Variants in HDAC4 observed in about 807,000 individuals in gnomAD.
HDAC4 encodes the protein histone deacetylase 4, also known as histone deacetylase A.
Under a neutral mutation model 135.1 loss-of-function variants are expected in HDAC4, and 16 were observed. The observed-to-expected ratio is 0.12, with a 90% CI of 0.08 to 0.18. The LOEUF is 0.18. HDAC4 is among the 10% of genes least tolerant of loss of function. The pLI is 1.00. For missense variants in HDAC4, 1,143 were observed against 1,511.8 expected, an observed-to-expected ratio of 0.76 and a Z score of 4.05; for synonymous variants, 685 against 653.4, an observed-to-expected ratio of 1.05 and a Z score of -0.74.
At chr2:239,386,772 T>C (rs986179474) in intron 1 of HDAC4, among the ~76,000 whole-genome samples, 6 of 152,202 alleles carry the variant, frequency 3.9e-5, no homozygotes, top group Admixed American at 2.6e-4. Flanking sequence ...AGGCTGGCCC[T>C]TGTCCAGAGA....
intron 3 of HDAC4, among the ~76,000 whole-genome samples, chr2:239,196,884 C>G (rs2045421601): frequency 6.6e-6 from 1 of 152,200 alleles, no homozygotes. Flanking sequence ...AGTGTTGCAT[C>G]CTCAGGTTTA....
chr2:239,063,081 G>A (rs1318957387), intron 24 of HDAC4, among the ~76,000 whole-genome samples: 1 of 152,178 alleles, frequency 6.6e-6, no homozygotes, highest in African/African-American at 2.4e-5. Flanking sequence ...GCACACATGG[G>A]GTCTCGCATA....
intron 2 of HDAC4, among the ~76,000 whole-genome samples, chr2:239,280,396 G>A (rs2050635586): frequency 1.3e-5 from 2 of 152,152 alleles, no homozygotes; most frequent in South Asian, 4.1e-4. Flanking sequence ...AGCTGTTTCT[G>A]GGAAGCCAGC....
At chr2:239,336,851 TAC>T (rs1318006777) in intron 2 of HDAC4, among the ~76,000 whole-genome samples, 1 of 152,256 alleles carries the variant, frequency 6.6e-6, no homozygotes, top group Non-Finnish European at 1.5e-5. Flanking sequence ...TAATGTCTTT[TAC>T]TGTATTCCAA....
intron 12 of HDAC4, among the ~76,000 whole-genome samples, chr2:239,124,769 CTGGTGTG>C (rs1559475597): frequency 2.4e-3 from 277 of 117,248 alleles, no homozygotes; most frequent in South Asian, 3.6e-3. Flanking sequence ...ATGTGACATT[CTGGTGTG>C]CTGGCGTGTG....
intron 2 of HDAC4, among the ~76,000 whole-genome samples, chr2:239,282,904 C>G (rs2050894269): frequency 6.6e-6 from 1 of 151,892 alleles, no homozygotes; most frequent in Non-Finnish European, 1.5e-5. Context: ...AATGAACACA[C>G]CACTCTACAC....
intron 13 of HDAC4, among the ~76,000 whole-genome samples, chr2:239,112,938 A>G (rs1246258101): frequency 2.6e-5 from 4 of 152,196 alleles, no homozygotes; most frequent in African/African-American, 4.8e-5. Flanking sequence ...TGCCTTTAGG[A>G]ATCAGGCTGG....
intron 20 of HDAC4, among the ~76,000 whole-genome samples, chr2:239,083,259 T>C (rs958292570): frequency 1.3e-5 from 2 of 152,210 alleles, no homozygotes; most frequent in Non-Finnish European, 2.9e-5. Flanking sequence ...TCCCCAGTCT[T>C]TAGCCATCAG....
rs1691889069 is a variant in HDAC4, at chr2:239,335,601, GC to G, written c.22+17076del. Among the ~76,000 whole-genome samples, 5 of 149,232 alleles carry G rather than the reference GC, an allele frequency of 3.4e-5. No individual in the cohort carries two copies. The South Asian group carries it at 1.1e-3, about 31-fold the overall frequency. ...ACAAACAACAAAAAGCTCATTCATA[GC>G]CAGTGTACAGAAATAGCTCCTACAA... On this transcript the variant is annotated intron_variant, in intron 2 of 26. Coordinates refer to ENST00000543185, the MANE Select transcript of HDAC4 (RefSeq NM_001378414.1).
At position 239,111,554 on chromosome 2, in the gene HDAC4, C is replaced by A; in HGVS notation, c.1950G>T (p.Glu650Asp). The change falls in exon 14 of 27, where the codon GAG becomes GAT. Residue 650 changes from glutamate to aspartate, a missense_variant. Physicochemically the swap from Glu to Asp is conservative, Grantham distance 45. This residue lies in a region of HDAC4 where 196 missense variants were observed against 210.7 expected (regional missense o/e 0.93). Transcript: ENST00000543185. ...ASATFPVSVQ[E>D]PPTKPRFTTG... ...TCGTGAACCTCGGCTTGGTGGGGGG[C>A]TCCTGCACAGACACGGGGAAGGTGG... is the stretch of plus-strand genomic sequence containing the variant. 1.2e-6 allele frequency: 2 copies of A among 1,612,356 alleles called. No homozygotes were observed. Among genetic ancestry groups the A allele is most frequent in the Non-Finnish European group, 1.7e-6 (2 of 1,179,752 alleles).
Position 239,144,575 on chromosome 2 carries a change from C to G in HDAC4, c.865+8G>C. Reference sequence around the variant, plus strand: ...AGCGGGGCGGGTGTACCTGCTCAGCCGACATACCTGTGACATCCAACGGAC... The same window carrying G: ...AGCGGGGCGGGTGTACCTGCTCAGCGGACATACCTGTGACATCCAACGGAC... On this transcript the variant is annotated splice_region_variant and intron_variant, in intron 8 of 26. Coordinates refer to ENST00000543185, the MANE Select transcript of HDAC4 (RefSeq NM_001378414.1). 1 of 1,613,366 alleles carries G rather than the reference C, an allele frequency of 6.2e-7. No homozygotes were observed. Among genetic ancestry groups the G allele is most frequent in the African/African-American group, 1.3e-5 (1 of 75,008 alleles).
At position 239,303,534 on chromosome 2, in the gene HDAC4, G is replaced by T. The variant is rs2052394071; in HGVS notation, c.22+49144C>A. Among the ~76,000 whole-genome samples, 1 of 151,930 alleles carries T rather than the reference G, an allele frequency of 6.6e-6. No individual in the cohort carries two copies. Among genetic ancestry groups the T allele is most frequent in the Non-Finnish European group, 1.5e-5 (1 of 68,008 alleles). On this transcript the variant is annotated intron_variant, in intron 2 of 26. Transcript: ENST00000543185. This position sits in a 1 kb window ranked among gnomAD's most constrained non-coding sequence, Gnocchi z 5.1. ...CCTTTCTCGGGACAGCCTGTGGCTTGTTCTCCCTTAAGAATCCTCTCATCA... is the reference window on the plus strand; with the variant it reads ...CCTTTCTCGGGACAGCCTGTGGCTTTTTCTCCCTTAAGAATCCTCTCATCA...
chr2:239,095,138 C>G (rs970850732), intron 16 of HDAC4, 82 bp from the exon 17 acceptor site: 2 of 1,449,132 alleles, frequency 1.4e-6, no homozygotes, highest in African/African-American at 2.8e-5. Flanking sequence ...ACTCCGGGGT[C>G]TTCAGTGGCA....
chr2:239,270,831 T>C (rs538484629), intron 2 of HDAC4, among the ~76,000 whole-genome samples: 41 of 152,314 alleles, frequency 2.7e-4, no homozygotes, highest in African/African-American at 9.9e-4. Flanking sequence ...AACCAAAATA[T>C]GCACAGACCT....
chr2:239,121,114 C>A (rs1284949106), intron 12 of HDAC4, among the ~76,000 whole-genome samples: 1 of 151,698 alleles, frequency 6.6e-6, no homozygotes, highest in Admixed American at 6.6e-5. Context: ...TACAAGCATG[C>A]ACCACCTTGC....
intron 3 of HDAC4, among the ~76,000 whole-genome samples, chr2:239,214,223 T>G (rs962605655): frequency 2.0e-5 from 3 of 152,158 alleles, no homozygotes; most frequent in Non-Finnish European, 2.9e-5. Context: ...TTCTCTAGCT[T>G]CCGGAGGCTG....
At chr2:239,377,730 C>T (rs1315205982) in intron 1 of HDAC4, among the ~76,000 whole-genome samples, 6 of 152,290 alleles carry the variant, frequency 3.9e-5, no homozygotes, top group East Asian at 1.9e-4. Context: ...AGAGACCCAA[C>T]GTGGTGAAAA....
At chr2:239,125,143 C>T (rs1559476639) in intron 12 of HDAC4, among the ~76,000 whole-genome samples, 1 of 152,268 alleles carries the variant, frequency 6.6e-6, no homozygotes, top group East Asian at 1.9e-4. Flanking sequence ...CTGCCCACAT[C>T]TCCTGCTGAA....
intron 3 of HDAC4, among the ~76,000 whole-genome samples, chr2:239,201,570 GCTC>G (rs1185902077): frequency 1.3e-5 from 2 of 152,132 alleles, no homozygotes; most frequent in Non-Finnish European, 2.9e-5. Flanking sequence ...TTCCTAAAAA[GCTC>G]CTGGGGCTGT....
Sources: gnomAD v4.1 joint callset for allele counts (sites outside exome capture counted in the v4.1 genomes callset) on GRCh38, gnomAD v4.1.1 for gene constraint, gnomAD v4.1.1 regional missense constraint, Gnocchi (gnomAD v3.1) non-coding constraint, MANE v1.5 for transcripts, NCBI Gene and HGNC (gene_info 2026-07-23, HGNC 2026-07-21) for gene names.